ATP2B3: variants seen among roughly 807,000 people sequenced by gnomAD.
ATP2B3 encodes ATPase plasma membrane Ca2+ transporting 3, also known as plasma membrane calcium-transporting ATPase 3.
Under a neutral mutation model 70.8 loss-of-function variants are expected in ATP2B3, and 12 were observed. That is an observed-to-expected ratio of 0.17 (90% CI 0.11 to 0.27). ATP2B3 has a LOEUF of 0.27. ATP2B3 is among the 10% of genes least tolerant of loss of function. The pLI, the probability that ATP2B3 is intolerant of heterozygous loss-of-function variation, is 1.00. For synonymous variants in ATP2B3, 460 were observed against 497.8 expected (o/e 0.92, Z 1.01); for missense variants, 858 against 1,118.5 (o/e 0.77, Z 3.32).
At chrX:153,542,041 A>C in intron 5 of ATP2B3, 115 bp downstream of exon 5, 2 of 757,695 alleles carry the variant, frequency 2.6e-6, no homozygotes, top group Non-Finnish European at 3.3e-6. Flanking sequence ...GCGTGTCGTC[A>C]CCTGCCTTAG....
intron 6 of ATP2B3, 85 bp from the exon 7 acceptor site, chrX:153,542,958 C>A: frequency 9.0e-7 from 1 of 1,115,740 alleles, no homozygotes. Context: ...TTCCGGGAGA[C>A]CCTGGGAGAC....
At chrX:153,551,143 G>GT (rs1366281113) in intron 12 of ATP2B3, among the ~76,000 whole-genome samples, 2 of 112,424 alleles carry the variant, frequency 1.8e-5, no homozygotes, top group Non-Finnish European at 3.8e-5. Context: ...CCACGAAACT[G>GT]TTTTCCACAG....
chrX:153,551,378 G>A (rs782013414), intron 12 of ATP2B3, among the ~76,000 whole-genome samples: 2 of 112,239 alleles, frequency 1.8e-5, no homozygotes, highest in Non-Finnish European at 3.8e-5. Context: ...TTGGGGAAAT[G>A]TCTGTCCTAG....
At chrX:153,567,039 G>A (rs1203102316) in intron 21 of ATP2B3, among the ~76,000 whole-genome samples, 1 of 112,642 alleles carries the variant, frequency 8.9e-6, no homozygotes, top group African/African-American at 3.2e-5. Context: ...CGAACACAGC[G>A]TAGCCTGGGA....
intron 9 of ATP2B3, 100 bp downstream of exon 9, chrX:153,548,099 G>A (rs1484694757): frequency 1.9e-6 from 2 of 1,028,003 alleles, no homozygotes; most frequent in African/African-American, 3.9e-5. Flanking sequence ...AGGTGGGAAG[G>A]GATGTGGCAG....
At chrX:153,542,260 C>T in intron 5 of ATP2B3, 63 bp from the exon 6 acceptor site, 2 of 1,195,093 alleles carry the variant, frequency 1.7e-6, no homozygotes, top group Admixed American at 4.4e-5. Flanking sequence ...CCTGACGGGA[C>T]CTCCCCTGGG....
rs1035314475 is a variant in ATP2B3 at position 153,541,328 on chromosome X, T to G, written c.209-31T>G. ...AAGGCCGACCCGTCCCATCCCATCC[T>G]CCCCTTCTGTGCTTCCGGGGCACCA... On this transcript the variant is annotated intron_variant, in intron 3 of 21. Transcript: ENST00000263519. 7 of 1,208,431 alleles carry G rather than the reference T, an allele frequency of 5.8e-6. No homozygotes were observed. In the African/African-American group the frequency reaches 1.2e-4, roughly 21 times the overall value.
chrX:153,565,728 TCTC>T (rs782335585), intron 21 of ATP2B3, among the ~76,000 whole-genome samples: 27 of 112,130 alleles, frequency 2.4e-4, no homozygotes, highest in African/African-American at 8.7e-4. Flanking sequence ...CTTGTTCCCA[TCTC>T]CTCCCGGCCA....
intron 17 of ATP2B3, 65 bp from the exon 18 acceptor site, chrX:153,559,664 G>A: frequency 4.8e-6 from 5 of 1,050,603 alleles, no homozygotes; most frequent in Non-Finnish European, 5.3e-6. Flanking sequence ...AGGAGCTACT[G>A]GGTTTCCACC....
In ATP2B3 at chrX:153,549,601, C is replaced by T; in HGVS notation, c.1443C>T (p.Asn481=). ...CSDKTGTLTT[N]RMTVVQSYLG... is the part of the protein sequence containing the mutation. ...ACAAGACGGGCACGCTCACCACCAACCGTATGACCGTGGTCCAGTCCTACC... is the reference window on the plus strand; with the variant it reads ...ACAAGACGGGCACGCTCACCACCAATCGTATGACCGTGGTCCAGTCCTACC... Residue 481 remains asparagine, a synonymous_variant, in exon 11 of 22, where the codon AAC becomes AAT. Transcript: ENST00000263519. The T allele has an allele frequency of 8.2e-7, 1 of 1,212,481 alleles. No individual in the cohort carries two copies. The highest frequency in any genetic ancestry group is 1.7e-5 in the African/African-American group (1 of 58,000).
At chrX:153,570,777 G>A (rs1157772668) in intron 21 of ATP2B3, among the ~76,000 whole-genome samples, 1 of 110,790 alleles carries the variant, frequency 9.0e-6, no homozygotes, top group Non-Finnish European at 1.9e-5. Flanking sequence ...ACACGAACAC[G>A]CCACTCCCCT....
intron 10 of ATP2B3, 78 bp from the exon 11 acceptor site, chrX:153,549,419 G>T: frequency 1.7e-6 from 2 of 1,194,189 alleles, no homozygotes; most frequent in African/African-American, 3.5e-5. Context: ...AGAGTCACGC[G>T]ATGTTTGTGT....
intron 2 of ATP2B3, among the ~76,000 whole-genome samples, chrX:153,531,427 T>C (rs1167391105): frequency 8.8e-6 from 1 of 113,075 alleles, no homozygotes; most frequent in Non-Finnish European, 1.9e-5. Flanking sequence ...GGGACTATTG[T>C]TTTAAGGAAT....
At chrX:153,556,027 C>T (rs1396126204) in intron 13 of ATP2B3, 22 bp from the exon 14 acceptor site, 14 of 1,211,828 alleles carry the variant, frequency 1.2e-5, no homozygotes, top group Non-Finnish European at 1.6e-5. Context: ...ATGGCCCCGC[C>T]CACCTCTCTT....
In ATP2B3 at chrX:153,536,210, A is replaced by G; in HGVS notation, c.-38A>G. 8.6e-7 allele frequency: 1 copy of G among 1,169,084 alleles called. No individual in the cohort carries two copies. The highest frequency in any genetic ancestry group is 1.1e-6 in the Non-Finnish European group (1 of 872,454). On this transcript the variant is annotated 5_prime_UTR_variant, in exon 3 of 22. Transcript: ENST00000263519. ...GGCCGCCTGTCCCTAGCTGTGGCTG[A>G]GCCAAGATTGCACTTGTGAGAAGGC... is the stretch of plus-strand genomic sequence containing the variant.
At chrX:153,526,898 C>T (rs946217233) in intron 2 of ATP2B3, among the ~76,000 whole-genome samples, 4 of 112,154 alleles carry the variant, frequency 3.6e-5, no homozygotes, top group Non-Finnish European at 7.5e-5. Flanking sequence ...AGGACTTTGG[C>T]CTGCTTCCAG....
In ATP2B3 at chrX:153,581,642, G is replaced by A. The variant is rs1013201259; in HGVS notation, c.*1344G>A. On this transcript the variant is annotated 3_prime_UTR_variant, in exon 22 of 22. Coordinates refer to ENST00000263519, the MANE Select transcript of ATP2B3 (RefSeq NM_001001344.3). Reference sequence around the variant, plus strand: ...GGGACGCAGCCACAGTTCAGACCCTGTCCCCTCAGCACCTGGATGGACTCC... The same window carrying A: ...GGGACGCAGCCACAGTTCAGACCCTATCCCCTCAGCACCTGGATGGACTCC... 8.8e-6 allele frequency: 1 copy of A among 113,005 alleles called. No individual in the cohort carries two copies. Among genetic ancestry groups the A allele is most frequent in the African/African-American group, 3.2e-5 (1 of 31,093 alleles). 9.3% of individuals were successfully genotyped at this position (113,005 alleles called of 1,213,427 possible).
intron 12 of ATP2B3, among the ~76,000 whole-genome samples, chrX:153,552,002 C>T (rs2090464283): frequency 8.9e-6 from 1 of 112,840 alleles, no homozygotes; most frequent in Non-Finnish European, 1.9e-5. Flanking sequence ...ACCAAGTGCA[C>T]CCTGCCTGGC....
chrX:153,534,958 A>G (rs1194390416), intron 2 of ATP2B3, among the ~76,000 whole-genome samples: 1 of 112,499 alleles, frequency 8.9e-6, no homozygotes, highest in Non-Finnish European at 1.9e-5. Context: ...GATGCTTCTG[A>G]GCCAGGAGCT....
Sources: allele counts gnomAD v4.1 joint callset (sites outside exome capture counted in the v4.1 genomes callset), GRCh38; gene constraint gnomAD v4.1.1; transcripts MANE v1.5; gene names NCBI Gene and HGNC (gene_info 2026-07-23, HGNC 2026-07-21).